The following MSRA variants were observed in gnomAD, a reference collection of about 807,000 sequenced individuals.
The protein encoded by MSRA is mitochondrial peptide methionine sulfoxide reductase.
A neutral mutation model predicts 31.3 loss-of-function variants in MSRA; 54 were observed. The ratio of observed to expected loss-of-function variants is 1.73; its 90% confidence interval spans 1.39 to 2.17. The LOEUF is 2.17. Among genes scored for constraint, MSRA ranks in the 30% most tolerant of loss-of-function variants. The pLI is 0.00. For missense variants in MSRA, 507 were observed against 300.9 expected (o/e 1.69, Z -5.07); for synonymous variants, 169 against 116.5 (o/e 1.45, Z -2.90).
At chr8:10,385,661 G>C (rs562397797) in intron 5 of MSRA, among the ~76,000 whole-genome samples, 26 of 152,272 alleles carry the variant, frequency 1.7e-4, no homozygotes, top group Admixed American at 1.5e-3. Context: ...GTTCTGGTTG[G>C]GCAGTCCAGG....
intron 1 of MSRA, among the ~76,000 whole-genome samples, chr8:10,171,189 G>A (rs1805557048): frequency 6.6e-6 from 1 of 152,206 alleles, no homozygotes; most frequent in Non-Finnish European, 1.5e-5. Context: ...TGGGCCAGAT[G>A]TAGTCTGGTT....
chr8:10,229,495 A>C (rs527475851), intron 2 of MSRA, among the ~76,000 whole-genome samples: 39 of 152,240 alleles, frequency 2.6e-4, no homozygotes, highest in African/African-American at 8.9e-4. Context: ...TGTGATTCTC[A>C]GAGATCAGGG....
At chr8:10,101,356 T>C (rs1799516893) in intron 1 of MSRA, among the ~76,000 whole-genome samples, 1 of 152,236 alleles carries the variant, frequency 6.6e-6, no homozygotes, top group South Asian at 2.1e-4. Context: ...AAATTATTTT[T>C]TTAATTTTTA....
chr8:10,418,815 TA>T (rs71203323), intron 5 of MSRA, among the ~76,000 whole-genome samples: 211 of 66,028 alleles, frequency 3.2e-3, no homozygotes, highest in African/African-American at 7.6e-3. Flanking sequence ...TTACTACGAC[TA>T]AAAAAAAAAA....
intron 4 of MSRA, among the ~76,000 whole-genome samples, chr8:10,302,321 C>A (rs979152891): frequency 6.6e-6 from 1 of 152,248 alleles, no homozygotes; most frequent in African/African-American, 2.4e-5. Context: ...ATCCCAGCAG[C>A]CTTGCAGGCC....
At chr8:10,385,700 T>G (rs1752347938) in intron 5 of MSRA, among the ~76,000 whole-genome samples, 1 of 151,988 alleles carries the variant, frequency 6.6e-6, no homozygotes, top group African/African-American at 2.4e-5. Flanking sequence ...AGTGAAGTCA[T>G]GGTCTAAGGC....
In MSRA at chr8:10,073,188, T is replaced by C. The variant is rs912655463; in HGVS notation, c.142+18530T>C. ...TGAGAGCAGACATGCTTACTTTGTA[T>C]CTATCTTAGGGGAAAAGCATTCAGC... On this transcript the variant is annotated intron_variant, in intron 1 of 5. Transcript: ENST00000317173. 7.2e-5 allele frequency among the ~76,000 whole-genome samples: 11 copies of C among 152,184 alleles called. 1 individual carries two copies. The highest frequency in any genetic ancestry group is 6.5e-4 in the Admixed American group (10 of 15,282).
chr8:10,250,189 C>T (rs1483909946), intron 3 of MSRA, among the ~76,000 whole-genome samples: 2 of 152,080 alleles, frequency 1.3e-5, no homozygotes, highest in African/African-American at 2.4e-5. Flanking sequence ...TGCTTTACTA[C>T]ATTGATTTTA....
At chr8:10,366,747 C>A (rs373420382) in intron 5 of MSRA, among the ~76,000 whole-genome samples, 1 of 152,312 alleles carries the variant, frequency 6.6e-6, no homozygotes, top group South Asian at 2.1e-4. Flanking sequence ...GCTGTCTTAA[C>A]TGATCTTTTT....
intron 1 of MSRA, among the ~76,000 whole-genome samples, chr8:10,116,747 C>T (rs921908507): frequency 2.6e-5 from 4 of 152,084 alleles, no homozygotes; most frequent in African/African-American, 4.8e-5. Flanking sequence ...GCAGGCGGAT[C>T]ACCTGAGGTT....
intron 1 of MSRA, among the ~76,000 whole-genome samples, chr8:10,164,456 T>G (rs1479283502): frequency 6.6e-6 from 1 of 152,166 alleles, no homozygotes; most frequent in African/African-American, 2.4e-5. Flanking sequence ...CCTGAGCTTT[T>G]TAGAAGTTTT....
intron 5 of MSRA, among the ~76,000 whole-genome samples, chr8:10,331,420 G>A (rs903426412): frequency 6.6e-6 from 1 of 152,170 alleles, no homozygotes; most frequent in South Asian, 2.1e-4. Flanking sequence ...CGGCTTTTCG[G>A]TGCTTTCTCC....
intron 1 of MSRA, among the ~76,000 whole-genome samples, chr8:10,099,671 C>T (rs564708740): frequency 2.4e-4 from 36 of 152,146 alleles, no homozygotes; most frequent in Non-Finnish European, 5.0e-4. Context: ...ACTGTGCTTT[C>T]TTTATCTTGT....
At chr8:10,107,819 G>C (rs985027460) in intron 1 of MSRA, among the ~76,000 whole-genome samples, 1 of 152,196 alleles carries the variant, frequency 6.6e-6, no homozygotes, top group Non-Finnish European at 1.5e-5. Flanking sequence ...AAAAAGGCCA[G>C]AGGAGTGGGC....
intron 1 of MSRA, among the ~76,000 whole-genome samples, chr8:10,125,052 GA>G (rs1209037429): frequency 6.6e-6 from 1 of 152,072 alleles, no homozygotes; most frequent in Non-Finnish European, 1.5e-5. Context: ...TCTTCTTGAT[GA>G]AACACTAGTT....
intron 1 of MSRA, among the ~76,000 whole-genome samples, chr8:10,204,302 G>T (rs953281011): frequency 6.6e-6 from 1 of 152,182 alleles, no homozygotes; most frequent in Non-Finnish European, 1.5e-5. Flanking sequence ...TATAAAGTCC[G>T]TGGTAGTGTT....
intron 5 of MSRA, among the ~76,000 whole-genome samples, chr8:10,373,809 C>G (rs753263245): frequency 6.6e-6 from 1 of 152,208 alleles, no homozygotes; most frequent in Non-Finnish European, 1.5e-5. Flanking sequence ...GAGCTTAGAC[C>G]TGGTAGGGTG....
At chr8:10,194,732 T>G (rs145823839) in intron 1 of MSRA, among the ~76,000 whole-genome samples, 5 of 152,268 alleles carry the variant, frequency 3.3e-5, no homozygotes, top group Non-Finnish European at 5.9e-5. Flanking sequence ...CTTTGACATT[T>G]GTCCTGGGAC....
Position 10,381,625 on chromosome 8 carries a change from G to A in MSRA, c.544-46523G>A, listed in dbSNP as rs535560528. 2.0e-5 allele frequency among the ~76,000 whole-genome samples: 3 copies of A among 152,286 alleles called. No homozygotes were observed. In the South Asian group the frequency reaches 6.2e-4, roughly 32 times the overall value. Reference sequence around the variant, plus strand: ...CACATGCCCTCAAACCTTGTGGGTGGGGCTCTAGGTTCTGGCATTCTTTCA... The same window carrying A: ...CACATGCCCTCAAACCTTGTGGGTGAGGCTCTAGGTTCTGGCATTCTTTCA... On this transcript the variant is annotated intron_variant, in intron 5 of 5. Coordinates refer to ENST00000317173, the MANE Select transcript of MSRA (RefSeq NM_012331.5).
Sources: allele counts gnomAD v4.1 joint callset (sites outside exome capture counted in the v4.1 genomes callset), GRCh38; gene constraint gnomAD v4.1.1; transcripts MANE v1.5; gene names NCBI Gene and HGNC (gene_info 2026-07-23, HGNC 2026-07-21).